Variants in STPG2 observed in about 807,000 individuals in gnomAD.
STPG2 encodes sperm tail PG-rich repeat containing 2, also known as sperm-tail PG-rich repeat-containing protein 2.
A neutral mutation model predicts 54.2 loss-of-function variants in STPG2; 56 were observed. That is an observed-to-expected ratio of 1.03 (90% CI 0.83 to 1.29). The LOEUF is 1.29. STPG2 is among the 50% of genes most tolerant of loss of function. The pLI, the probability that STPG2 is intolerant of heterozygous loss-of-function variation, is 0.00. For missense variants in STPG2, 596 were observed against 544.9 expected (o/e 1.09, Z -0.93); for synonymous variants, 200 against 181.8 (o/e 1.10, Z -0.81).
rs1232074490 is a variant in STPG2 at position 97,827,544 on chromosome 4, T to A, written c.1204+13229A>T. On this transcript the variant is annotated intron_variant, in intron 9 of 10. Transcript: ENST00000295268. ...GCCACTGCACCCGGCCTAGACAGCT[T>A]TTAACAATCAAGTAAAGTATACTCC... Among the ~76,000 whole-genome samples the A allele has an allele frequency of 2.0e-5, 3 of 152,296 alleles. No individual in the cohort carries two copies. The East Asian group carries it at 5.8e-4, about 29-fold the overall frequency.
intron 4 of STPG2, among the ~76,000 whole-genome samples, chr4:97,531,691 G>C (rs968711859): frequency 2.6e-5 from 4 of 152,092 alleles, no homozygotes; most frequent in African/African-American, 9.7e-5. Context: ...AGAGAGTAGA[G>C]GTATAGTTAC....
chr4:97,805,837 T>TA (rs79439800), intron 9 of STPG2, among the ~76,000 whole-genome samples: 1,899 of 130,036 alleles, frequency 0.015, 11 homozygotes, highest in East Asian at 0.033. Context: ...TATTAAAAAG[T>TA]AAAAAAAAAA....
intron 8 of STPG2, among the ~76,000 whole-genome samples, chr4:97,881,976 A>G (rs555571049): frequency 2.0e-5 from 3 of 152,286 alleles, no homozygotes; most frequent in South Asian, 2.1e-4. Flanking sequence ...AACCTATAAA[A>G]GAGCAATAAA....
At chr4:97,574,572 A>C (rs1462241408) in intron 10 of STPG2, among the ~76,000 whole-genome samples, 1 of 152,032 alleles carries the variant, frequency 6.6e-6, no homozygotes, top group African/African-American at 2.4e-5. Context: ...CTCTGGGTTT[A>C]GGACAGACAC....
At chr4:97,798,306 T>C (rs1264895027) in intron 9 of STPG2, among the ~76,000 whole-genome samples, 1 of 152,208 alleles carries the variant, frequency 6.6e-6, no homozygotes, top group East Asian at 1.9e-4. Context: ...TCCTACTTTC[T>C]CATGTGGGCA....
intron 10 of STPG2, among the ~76,000 whole-genome samples, chr4:97,660,323 T>C (rs571659588): frequency 1.6e-4 from 25 of 152,308 alleles, no homozygotes; most frequent in Middle Eastern, 3.4e-3. Context: ...TTATATTATA[T>C]TGACGGATCT....
At chr4:97,545,485 G>A (rs976471009) in intron 4 of STPG2, among the ~76,000 whole-genome samples, 2 of 152,020 alleles carry the variant, frequency 1.3e-5, no homozygotes, top group Non-Finnish European at 2.9e-5. Context: ...GATTAGCTCA[G>A]GTCCCTCAAC....
At chr4:97,765,218 T>C (rs568847354) in intron 9 of STPG2, among the ~76,000 whole-genome samples, 1 of 152,248 alleles carries the variant, frequency 6.6e-6, no homozygotes, top group African/African-American at 2.4e-5. Context: ...AAAATAATAA[T>C]AGGCACATTC....
intron 8 of STPG2, among the ~76,000 whole-genome samples, chr4:97,865,183 A>C (rs1189270000): frequency 6.6e-6 from 1 of 152,168 alleles, no homozygotes; most frequent in Non-Finnish European, 1.5e-5. Context: ...AAATTTTTGC[A>C]ATCTACTCAT....
chr4:97,839,774 C>T (rs899470176), intron 9 of STPG2, among the ~76,000 whole-genome samples: 1 of 151,678 alleles, frequency 6.6e-6, no homozygotes, highest in Non-Finnish European at 1.5e-5. Flanking sequence ...AAGCAAACCT[C>T]TGGATCTCAG....
intron 5 of STPG2, among the ~76,000 whole-genome samples, chr4:98,046,170 T>C (rs1737122585): frequency 6.6e-6 from 1 of 152,042 alleles, no homozygotes; most frequent in Non-Finnish European, 1.5e-5. Context: ...ATTTTTCAGA[T>C]CAGTTGCTGG....
At chr4:98,119,582 C>A (rs1323034607) in intron 3 of STPG2, among the ~76,000 whole-genome samples, 2 of 151,574 alleles carry the variant, frequency 1.3e-5, no homozygotes, top group Non-Finnish European at 2.9e-5. Flanking sequence ...TTGATAACTG[C>A]ATTATGGTTA....
chr4:97,911,886 G>A (rs1274156111), intron 8 of STPG2, among the ~76,000 whole-genome samples: 1 of 151,894 alleles, frequency 6.6e-6, no homozygotes, highest in Non-Finnish European at 1.5e-5. Context: ...TTCCCGACTG[G>A]GTGACCTCCA....
intron 8 of STPG2, among the ~76,000 whole-genome samples, chr4:97,884,096 T>C (rs1263764718): frequency 1.3e-5 from 2 of 151,768 alleles, no homozygotes; most frequent in African/African-American, 2.4e-5. Flanking sequence ...CCCAATAAAC[T>C]CATTCAAAAC....
chr4:98,083,077 T>C (rs1738399861), intron 5 of STPG2, among the ~76,000 whole-genome samples: 1 of 152,152 alleles, frequency 6.6e-6, no homozygotes, highest in African/African-American at 2.4e-5. Context: ...CAAAGCCCTA[T>C]TTTGGCCTCT....
chr4:97,559,954 A>T (rs1732181125), intron 10 of STPG2, among the ~76,000 whole-genome samples: 1 of 152,158 alleles, frequency 6.6e-6, no homozygotes, highest in Admixed American at 6.6e-5. Flanking sequence ...GCCTTCCTCA[A>T]CTGATGCAAG....
chr4:97,736,041 A>G (rs1453572327), intron 9 of STPG2, among the ~76,000 whole-genome samples: 1 of 152,216 alleles, frequency 6.6e-6, no homozygotes, highest in African/African-American at 2.4e-5. Context: ...GATAAAAGGT[A>G]TGTGTTAGTG....
intron 8 of STPG2, among the ~76,000 whole-genome samples, chr4:97,894,427 C>T (rs373615375): frequency 3.2e-4 from 48 of 151,852 alleles, no homozygotes; most frequent in African/African-American, 1.0e-3. Flanking sequence ...CTTCTGCCTC[C>T]TCGTTTCAAA....
At chr4:97,461,117 T>G (rs1237526117) in intron 4 of STPG2, among the ~76,000 whole-genome samples, 2 of 152,224 alleles carry the variant, frequency 1.3e-5, no homozygotes, top group African/African-American at 4.8e-5. Flanking sequence ...ACATTCCATT[T>G]CATTATATAC....
Sources: gnomAD v4.1 joint callset for allele counts (sites outside exome capture counted in the v4.1 genomes callset) on GRCh38, gnomAD v4.1.1 for gene constraint, MANE v1.5 for transcripts, NCBI Gene and HGNC (gene_info 2026-07-23, HGNC 2026-07-21) for gene names.